The following SPOCK3 variants were observed in gnomAD, a reference collection of about 807,000 sequenced individuals.
SPOCK3 encodes testican-3.
A neutral mutation model predicts 56.6 loss-of-function variants in SPOCK3; 30 were observed. The observed-to-expected ratio is 0.53, with a 90% CI of 0.40 to 0.72. The LOEUF (loss-of-function observed/expected upper bound fraction) is 0.72, where lower values mean the gene tolerates loss of function less well. Among genes scored for constraint, SPOCK3 ranks in the 30% least tolerant of loss-of-function variants. The probability of loss-of-function intolerance (pLI) is 0.00; values close to 1 mark genes in which losing one functional copy is unlikely to be tolerated. For synonymous variants in SPOCK3, 196 were observed against 183.3 expected, an observed-to-expected ratio of 1.07 and a Z score of -0.56; for missense variants, 527 against 530.0, an observed-to-expected ratio of 0.99 and a Z score of 0.06.
chr4:166,815,765 A>T (rs988341991), intron 6 of SPOCK3, among the ~76,000 whole-genome samples: 1 of 152,060 alleles, frequency 6.6e-6, no homozygotes, highest in African/African-American at 2.4e-5. Context: ...ACAGAGCAAG[A>T]CCTTCTCTCT....
intron 2 of SPOCK3, among the ~76,000 whole-genome samples, chr4:167,134,428 A>G (rs1357352259): frequency 6.6e-6 from 1 of 152,078 alleles, no homozygotes; most frequent in Non-Finnish European, 1.5e-5. Context: ...AATGGCAAGG[A>G]GTACTGATAT....
At chr4:166,853,797 G>C (rs1200017012) in intron 6 of SPOCK3, among the ~76,000 whole-genome samples, 1 of 151,958 alleles carries the variant, frequency 6.6e-6, no homozygotes, top group Non-Finnish European at 1.5e-5. Flanking sequence ...CATGAGAATA[G>C]CTTGAACCCA....
chr4:167,109,329 ATAT>A (rs1320556216), intron 2 of SPOCK3, among the ~76,000 whole-genome samples: 2 of 90,422 alleles, frequency 2.2e-5, no homozygotes, highest in Admixed American at 1.9e-4. Flanking sequence ...ATATTAATAT[ATAT>A]TAATATTATA....
chr4:166,992,580 C>T (rs1211855754), intron 4 of SPOCK3, among the ~76,000 whole-genome samples: 2 of 152,142 alleles, frequency 1.3e-5, no homozygotes, highest in Non-Finnish European at 2.9e-5. Context: ...GTAAATACAG[C>T]CCTTCCTGCA....
intron 4 of SPOCK3, among the ~76,000 whole-genome samples, chr4:166,915,812 G>A (rs1294148390): frequency 6.6e-6 from 1 of 152,022 alleles, no homozygotes; most frequent in Non-Finnish European, 1.5e-5. Flanking sequence ...ATTAACCTTC[G>A]AGCATACATC....
Position 167,157,857 on chromosome 4 carries a change from G to A in SPOCK3, c.189+76128C>T, listed in dbSNP as rs191745695. The stretch of plus-strand genomic sequence containing the variant: ...CACCCCTTCTGCCTGTATTTCTTTT[G>A]TGCCACATCAATTCCACTTCACTGA... On this transcript the variant is annotated intron_variant, in intron 2 of 10. Transcript: ENST00000357545. Among the ~76,000 whole-genome samples, 3 of 151,822 alleles carry A rather than the reference G, an allele frequency of 2.0e-5. No individual in the cohort carries two copies. In the East Asian group the frequency reaches 5.8e-4, roughly 30 times the overall value.
intron 2 of SPOCK3, among the ~76,000 whole-genome samples, chr4:167,172,275 T>G (rs1188763268): frequency 6.6e-6 from 1 of 152,214 alleles, no homozygotes; most frequent in African/African-American, 2.4e-5. Flanking sequence ...CACAAAGTCA[T>G]TTTTACAAAC....
intron 4 of SPOCK3, among the ~76,000 whole-genome samples, chr4:166,957,479 C>T (rs1289826302): frequency 6.6e-6 from 1 of 152,160 alleles, no homozygotes; most frequent in Admixed American, 6.5e-5. Flanking sequence ...CATTCTTCTC[C>T]ATCTCACTTA....
intron 3 of SPOCK3, among the ~76,000 whole-genome samples, chr4:167,060,934 A>C (rs779460474): frequency 7.9e-5 from 12 of 152,086 alleles, no homozygotes; most frequent in Non-Finnish European, 1.8e-4. Flanking sequence ...AAACACTTGG[A>C]GTAGTGACTC....
intron 7 of SPOCK3, among the ~76,000 whole-genome samples, chr4:166,768,482 A>T (rs912700705): frequency 6.6e-6 from 1 of 152,132 alleles, no homozygotes; most frequent in Admixed American, 6.5e-5. Flanking sequence ...CTGGGTTGAA[A>T]ATTCTTTCCT....
At chr4:167,201,006 C>A (rs960039325) in intron 2 of SPOCK3, among the ~76,000 whole-genome samples, 10 of 151,964 alleles carry the variant, frequency 6.6e-5, no homozygotes, top group Admixed American at 3.9e-4. Context: ...TAAAGCTTCT[C>A]ATCACACTTT....
intron 4 of SPOCK3, among the ~76,000 whole-genome samples, chr4:166,953,159 G>A (rs1286255392): frequency 2.0e-5 from 3 of 151,152 alleles, no homozygotes; most frequent in East Asian, 1.9e-4. Context: ...CCTACAAAAT[G>A]GGAGAAAATT....
chr4:166,752,561 TATATATATATATAC>T (rs1222901594), intron 8 of SPOCK3, among the ~76,000 whole-genome samples: 3 of 27,862 alleles, frequency 1.1e-4, no homozygotes, highest in Non-Finnish European at 2.2e-4. Flanking sequence ...TGTATATATA[TATATATATATATAC>T]ACACACACAC....
chr4:166,754,834 A>ATAGT (rs1736865503), intron 7 of SPOCK3, 105 bp from the exon 8 acceptor site: 1 of 953,510 alleles, frequency 1.0e-6, no homozygotes, highest in African/African-American at 1.6e-5. Flanking sequence ...CATCTAATGA[A>ATAGT]TAGTTAGAGA....
intron 4 of SPOCK3, among the ~76,000 whole-genome samples, chr4:166,974,650 A>G (rs978507053): frequency 5.3e-5 from 8 of 152,142 alleles, no homozygotes; most frequent in African/African-American, 1.9e-4. Context: ...AACTCTCACT[A>G]CACCAAAAAT....
chr4:166,865,096 G>A (rs903220228), intron 6 of SPOCK3, among the ~76,000 whole-genome samples: 27 of 152,014 alleles, frequency 1.8e-4, no homozygotes, highest in African/African-American at 5.3e-4. Flanking sequence ...CAACCAAGTC[G>A]GCTTCATCCC....
In SPOCK3 at chr4:166,902,345, T is replaced by C. The variant is rs553166469; in HGVS notation, c.474+10275A>G. The stretch of plus-strand genomic sequence containing the variant: ...CTAGACTTGGGTTTCTTCTTATTTA[T>C]CTTACTTGGTATACACTGTGTTTCC... On this transcript the variant is annotated intron_variant, in intron 5 of 10. Transcript: ENST00000357545. Among the ~76,000 whole-genome samples the C allele has an allele frequency of 2.0e-5, 3 of 152,216 alleles. No homozygotes were observed. In the South Asian group the frequency reaches 6.2e-4, roughly 32 times the overall value.
chr4:166,990,714 G>C (rs1287749331), intron 4 of SPOCK3, among the ~76,000 whole-genome samples: 3 of 152,088 alleles, frequency 2.0e-5, no homozygotes, highest in Non-Finnish European at 4.4e-5. Flanking sequence ...GTAACAGCAA[G>C]TTTGGATTTA....
chr4:166,906,020 T>TA (rs940889231), intron 5 of SPOCK3, among the ~76,000 whole-genome samples: 1 of 151,970 alleles, frequency 6.6e-6, no homozygotes, highest in African/African-American at 2.4e-5. Context: ...GCACAATATC[T>TA]AAAAAATGAT....
Sources: gnomAD v4.1 joint callset for allele counts (sites outside exome capture counted in the v4.1 genomes callset) on GRCh38, gnomAD v4.1.1 for gene constraint, MANE v1.5 for transcripts, NCBI Gene and HGNC (gene_info 2026-07-23, HGNC 2026-07-21) for gene names.